Variants in SMG7 observed in about 807,000 individuals in gnomAD.
SMG7 encodes the protein nonsense-mediated mRNA decay factor SMG7.
Under a neutral mutation model 148.2 loss-of-function variants are expected in SMG7, and 34 were observed. The observed-to-expected ratio is 0.23, with a 90% CI of 0.17 to 0.31. The LOEUF (loss-of-function observed/expected upper bound fraction) is 0.31, where lower values mean the gene tolerates loss of function less well. Among genes scored for constraint, SMG7 ranks in the 10% least tolerant of loss-of-function variants. The probability of loss-of-function intolerance (pLI) is 1.00; values close to 1 mark genes in which losing one functional copy is unlikely to be tolerated. For missense variants in SMG7, 1,114 were observed against 1,408.4 expected, an observed-to-expected ratio of 0.79 and a Z score of 3.35; for synonymous variants, 492 against 515.1, an observed-to-expected ratio of 0.96 and a Z score of 0.61.
intron 1 of SMG7, among the ~76,000 whole-genome samples, chr1:183,496,104 C>A (rs920514419): frequency 1.3e-5 from 2 of 152,056 alleles, no homozygotes; most frequent in African/African-American, 4.8e-5. Flanking sequence ...TTTCTTTAAT[C>A]ATAAAATTGG....
intron 4 of SMG7, among the ~76,000 whole-genome samples, chr1:183,519,358 A>G (rs999131952): frequency 1.3e-5 from 2 of 151,988 alleles, no homozygotes; most frequent in African/African-American, 4.8e-5. Flanking sequence ...TTTAGCAGCA[A>G]CCAAAAAGTT....
chr1:183,500,963 G>T (rs1437184511), intron 1 of SMG7, among the ~76,000 whole-genome samples: 2 of 152,132 alleles, frequency 1.3e-5, no homozygotes, highest in African/African-American at 4.8e-5. Context: ...ACATGCTTTG[G>T]AAGTATGGCA....
At chr1:183,525,491 T>C (rs765374720) in intron 4 of SMG7, among the ~76,000 whole-genome samples, 2 of 152,108 alleles carry the variant, frequency 1.3e-5, no homozygotes, top group Non-Finnish European at 2.9e-5. Context: ...TTTGAAGGCA[T>C]TTGGTTGAGA....
chr1:183,512,898 C>T (rs1039992940), intron 2 of SMG7, 30 bp downstream of exon 2: 1 of 1,517,040 alleles, frequency 6.6e-7, no homozygotes, highest in African/African-American at 1.4e-5. Flanking sequence ...TTTTTCACAA[C>T]ATATTTTATA....
chr1:183,474,557 TTCGTCTCAA>T (rs1182548138), intron 1 of SMG7, among the ~76,000 whole-genome samples: 2 of 152,178 alleles, frequency 1.3e-5, no homozygotes, highest in African/African-American at 2.4e-5. Context: ...AGAGTGAAAC[TTCGTCTCAA>T]TAAATAAGTA....
chr1:183,519,518 T>A (rs955870343), intron 4 of SMG7, among the ~76,000 whole-genome samples: 2 of 151,730 alleles, frequency 1.3e-5, no homozygotes, highest in Non-Finnish European at 2.9e-5. Context: ...TTAGACAGAA[T>A]CTTTACCTTC....
At chr1:183,548,799 T>C (rs1670430138) in intron 18 of SMG7, 1 of 170,758 alleles carries the variant, frequency 5.9e-6, no homozygotes, top group Admixed American at 5.8e-5. Context: ...TTTGAAAGGC[T>C]TTTTAAAAGT....
intron 12 of SMG7, among the ~76,000 whole-genome samples, chr1:183,539,166 A>G (rs1668335243): frequency 6.6e-6 from 1 of 152,062 alleles, no homozygotes; most frequent in African/African-American, 2.4e-5. Flanking sequence ...AAAAAAGAGT[A>G]GCGTGGGCCA....
intron 1 of SMG7, among the ~76,000 whole-genome samples, chr1:183,499,983 C>G (rs1416376456): frequency 6.6e-6 from 1 of 152,022 alleles, no homozygotes; most frequent in East Asian, 1.9e-4. Context: ...TTTATTATTT[C>G]AAGAAGGTAC....
intron 1 of SMG7, 56 bp downstream of exon 1, chr1:183,472,705 G>A: frequency 2.9e-6 from 4 of 1,402,742 alleles, no homozygotes; most frequent in Non-Finnish European, 2.8e-6. Flanking sequence ...GTTGGGGCAT[G>A]GAGCAACAGA....
At chr1:183,517,876 T>C in intron 4 of SMG7, 56 bp downstream of exon 4, 1 of 1,550,048 alleles carries the variant, frequency 6.5e-7, no homozygotes, top group South Asian at 1.1e-5. Context: ...TATTCTGCTC[T>C]TTGTACACGT....
intron 1 of SMG7, among the ~76,000 whole-genome samples, chr1:183,504,028 ATTAT>A (rs766142833): frequency 1.3e-5 from 2 of 152,190 alleles, no homozygotes; most frequent in Non-Finnish European, 2.9e-5. Flanking sequence ...GGGCCGAGGC[ATTAT>A]TCTAGTTGTT....
chr1:183,481,737 C>T (rs1654172137), intron 1 of SMG7, among the ~76,000 whole-genome samples: 1 of 152,094 alleles, frequency 6.6e-6, no homozygotes, highest in African/African-American at 2.4e-5. Context: ...TCAAGGAATT[C>T]CATGAGTGTA....
At chr1:183,498,145 G>T (rs534967579) in intron 1 of SMG7, among the ~76,000 whole-genome samples, 152 of 152,136 alleles carry the variant, frequency 1.0e-3, no homozygotes, top group Non-Finnish European at 1.8e-3. Context: ...TAATTAACTT[G>T]TCCATCTTTC....
chr1:183,515,320 G>A (rs557901476), intron 2 of SMG7, among the ~76,000 whole-genome samples: 5 of 152,060 alleles, frequency 3.3e-5, no homozygotes, highest in East Asian at 3.9e-4. Flanking sequence ...TGGCTTATTC[G>A]GTCAATATAT....
Position 183,527,972 on chromosome 1 carries a change from G to A in SMG7, c.501G>A (p.Gln167=). Residue 167 remains glutamine, a synonymous_variant, in exon 6 of 23, where the codon CAG becomes CAA. Transcript: ENST00000688051. The surrounding 1 kb of genome is among the most constrained non-coding windows in gnomAD (Gnocchi z 4.0). ...TCTTCTTAGCTCGATACAGAAACCA[G>A]ACCAGCCAGGCAGAGTCCTACTATA... ...HLGDIARYRN[Q]TSQAESYYRH... 1.9e-6 allele frequency: 3 copies of A among 1,613,270 alleles called. No homozygotes were observed. The highest frequency in any genetic ancestry group is 2.5e-6 in the Non-Finnish European group (3 of 1,179,556).
At chr1:183,481,437 AATG>A (rs1225089911) in intron 1 of SMG7, among the ~76,000 whole-genome samples, 1 of 152,288 alleles carries the variant, frequency 6.6e-6, no homozygotes, top group African/African-American at 2.4e-5. Context: ...TTAATTTTGT[AATG>A]ATCTCTTTTT....
intron 3 of SMG7, 68 bp downstream of exon 3, chr1:183,516,059 T>G (rs1398846724): frequency 3.2e-6 from 3 of 951,706 alleles, no homozygotes; most frequent in Non-Finnish European, 4.9e-6. Context: ...TTAAAACAGT[T>G]TGGTTCGTTA....
At chr1:183,539,866 G>A (rs1001345254) in intron 12 of SMG7, among the ~76,000 whole-genome samples, 2 of 152,084 alleles carry the variant, frequency 1.3e-5, no homozygotes, top group African/African-American at 2.4e-5. Context: ...ACCTTCCTAC[G>A]TATAGTTCTT....
Sources: allele counts gnomAD v4.1 joint callset (sites outside exome capture counted in the v4.1 genomes callset), GRCh38; gene constraint gnomAD v4.1.1; non-coding constraint Gnocchi (gnomAD v3.1); transcripts MANE v1.5; gene names NCBI Gene and HGNC (gene_info 2026-07-23, HGNC 2026-07-21).